The following IRAG1 variants were observed in gnomAD, a reference collection of about 807,000 sequenced individuals.
The protein encoded by IRAG1 is inositol 1,4,5-triphosphate receptor associated 1, also known as IP3R-associated cGMP kinase substrate.
IRAG1 carries 62 observed loss-of-function variants against 106.2 expected under a neutral mutation model. The ratio of observed to expected loss-of-function variants is 0.58; its 90% CI spans 0.48 to 0.72. IRAG1 has a LOEUF of 0.72. IRAG1 is among the 30% of genes least tolerant of loss of function. IRAG1 has a pLI of 0.00. For synonymous variants in IRAG1, 462 were observed against 443.9 expected, an observed-to-expected ratio of 1.04 and a Z score of -0.51; for missense variants, 1,064 against 1,140.7, an observed-to-expected ratio of 0.93 and a Z score of 0.97.
At chr11:10,612,584 T>C (rs925245804) in intron 10 of IRAG1, among the ~76,000 whole-genome samples, 37 of 150,362 alleles carry the variant, frequency 2.5e-4, no homozygotes, top group African/African-American at 7.1e-4. Flanking sequence ...GGTAGAAATA[T>C]ACAAATCAGA....
chr11:10,622,253 T>C (rs1160882391), intron 10 of IRAG1, among the ~76,000 whole-genome samples: 4 of 151,904 alleles, frequency 2.6e-5, no homozygotes, highest in Non-Finnish European at 4.4e-5. Context: ...ACAGGTACCA[T>C]ATGACTCAGA....
At chr11:10,623,739 A>G in intron 10 of IRAG1, 39 bp downstream of exon 10, 1 of 1,583,598 alleles carries the variant, frequency 6.3e-7, no homozygotes, top group Non-Finnish European at 8.7e-7. Flanking sequence ...CAGACAAATC[A>G]GCACTCGCTG....
At chr11:10,621,303 T>C (rs1855817725) in intron 10 of IRAG1, among the ~76,000 whole-genome samples, 1 of 152,206 alleles carries the variant, frequency 6.6e-6, no homozygotes, top group Non-Finnish European at 1.5e-5. Context: ...TTACTACAGT[T>C]CAGACCAGGG....
chr11:10,692,195 G>GCACA (rs111745329), intron 1 of IRAG1, among the ~76,000 whole-genome samples: 38,982 of 150,790 alleles, frequency 0.26, 5,213 homozygotes, highest in African/African-American at 0.32. Flanking sequence ...AAATATGCAT[G>GCACA]CACACACACA....
At chr11:10,687,789 C>T (rs1861769878) in intron 1 of IRAG1, 1 of 1,288,852 alleles carries the variant, frequency 7.8e-7, no homozygotes, top group Non-Finnish European at 1.0e-6. Flanking sequence ...TGGAGGGGAA[C>T]AGACAGGGGC....
intron 10 of IRAG1, among the ~76,000 whole-genome samples, chr11:10,610,787 C>T (rs774508945): frequency 2.6e-5 from 4 of 152,238 alleles, no homozygotes; most frequent in African/African-American, 4.8e-5. Context: ...GCTTACAGTA[C>T]ACTTAGCATT....
chr11:10,623,746 G>T (rs759574101), intron 10 of IRAG1, 32 bp downstream of exon 10: 1 of 1,602,934 alleles, frequency 6.2e-7, no homozygotes, highest in South Asian at 1.1e-5. Flanking sequence ...ATCAGCACTC[G>T]CTGAGACAGC....
intron 1 of IRAG1, chr11:10,687,865 T>G (rs192548895): frequency 0.025 from 29,062 of 1,184,092 alleles, 500 homozygotes; most frequent in South Asian, 0.031. Context: ...GGATTTAGCT[T>G]TGCTTTTTTT....
In IRAG1 at chr11:10,628,015, C is replaced by A. The variant is rs1856387817; in HGVS notation, c.663G>T (p.Val221=). The A allele has an allele frequency of 1.9e-6, 3 of 1,613,468 alleles. No individual in the cohort carries two copies. Among genetic ancestry groups the A allele is most frequent in the Non-Finnish European group, 2.5e-6 (3 of 1,179,552 alleles). The change falls in exon 7 of 21, where the codon GTG becomes GTT. Residue 221 remains valine (V), a synonymous_variant. Transcript: ENST00000423302. The surrounding 1 kb of genome is among the most constrained non-coding windows in gnomAD (Gnocchi z 4.1). ...GCAGAGGGGATGGCGGGCCACTGCA[C>A]ACATCCAAACCTGGAAGGGTCCAGA... ...LTVPTPPGLD[V]CSGPPSPLPG... is the part of the protein sequence containing the mutation.
At chr11:10,663,835 A>G in intron 1 of IRAG1, among the ~76,000 whole-genome samples, 1 of 152,166 alleles carries the variant, frequency 6.6e-6, no homozygotes, top group East Asian at 1.9e-4. Flanking sequence ...CTCTTGAACC[A>G]TCTCAGGTCT....
chr11:10,593,350 C>G, intron 17 of IRAG1, 142 bp downstream of exon 17: 2 of 621,186 alleles, frequency 3.2e-6, no homozygotes, highest in Non-Finnish European at 5.6e-6. Context: ...GTTTTTGAGC[C>G]TATCACTCAG....
intron 3 of IRAG1, 108 bp downstream of exon 3, chr11:10,633,860 A>C: frequency 1.6e-6 from 1 of 616,632 alleles, no homozygotes; most frequent in Non-Finnish European, 2.6e-6. Context: ...AGTTTAGTCA[A>C]TAAAATGATA....
At position 10,625,983 on chromosome 11, in the gene IRAG1, G is replaced by A; in HGVS notation, c.1351C>T (p.Leu451=). The A allele has an allele frequency of 1.3e-6, 2 of 1,487,818 alleles. No homozygotes were observed. The highest frequency in any genetic ancestry group is 2.3e-5 in the East Asian group (1 of 42,708). The allele number at this position is 1,487,818 out of a possible 1,614,324, so 92.2% of individuals were successfully genotyped here. Residue 451 remains leucine (L), a synonymous_variant, in exon 9 of 21, where the codon CTG becomes TTG. Coordinates refer to ENST00000423302, the MANE Select transcript of IRAG1 (RefSeq NM_130385.4). ...IQVQPVRMQK[L]TKLREEHILM... ...GAACCCACCTCTCGGAGCTTGGTCA[G>A]TTTCTGCATCCGCACGGGCTGCACT...
intron 10 of IRAG1, among the ~76,000 whole-genome samples, chr11:10,623,459 A>C (rs560805485): frequency 3.0e-4 from 46 of 152,266 alleles, no homozygotes; most frequent in African/African-American, 1.0e-3. Context: ...CCTTGAAAAG[A>C]GGAACTCTTC....
intron 2 of IRAG1, among the ~76,000 whole-genome samples, chr11:10,650,112 G>A (rs1858345611): frequency 6.6e-6 from 1 of 152,134 alleles, no homozygotes; most frequent in South Asian, 2.1e-4. Flanking sequence ...ACAACTCTGG[G>A]AACTTAAGTA....
chr11:10,640,376 T>C (rs1026028963), intron 2 of IRAG1, among the ~76,000 whole-genome samples: 1 of 152,264 alleles, frequency 6.6e-6, no homozygotes, highest in African/African-American at 2.4e-5. Flanking sequence ...CTCTAATCCC[T>C]TGATGGAACA....
intron 13 of IRAG1, among the ~76,000 whole-genome samples, chr11:10,603,667 T>A (rs1171218286): frequency 6.7e-6 from 1 of 149,402 alleles, no homozygotes; most frequent in Non-Finnish European, 1.5e-5. Context: ...CAAAGTCATC[T>A]GCTGACTTTT....
Position 10,594,175 on chromosome 11 carries a change from C to G in IRAG1, c.2038G>C (p.Ala680Pro), listed in dbSNP as rs1853001533. Residue 680 changes from alanine to proline, a missense_variant, in exon 16 of 21, where the codon GCA (alanine) becomes CCA (proline). By Grantham distance (27) the Ala-to-Pro change is conservative. Transcript: ENST00000423302. Reference sequence around the variant, plus strand: ...CCCAGCGTGAGGGACATGGACCGTGCCGTGCGAGGGACCCCATCTTCTGCA... The same window carrying G: ...CCCAGCGTGAGGGACATGGACCGTGGCGTGCGAGGGACCCCATCTTCTGCA... Reference protein sequence around the residue: ...GPSEDGVPRTARSMSLTLGKN... With the variant: ...GPSEDGVPRTPRSMSLTLGKN... The G allele has an allele frequency of 6.2e-7, 1 of 1,610,016 alleles. No homozygotes were observed. Among genetic ancestry groups the G allele is most frequent in the Non-Finnish European group, 8.5e-7 (1 of 1,178,406 alleles).
At chr11:10,661,091 G>A (rs1859358979) in intron 1 of IRAG1, among the ~76,000 whole-genome samples, 3 of 99,488 alleles carry the variant, frequency 3.0e-5, no homozygotes, top group African/African-American at 8.5e-5. Context: ...CTTTTACCAT[G>A]GGGGGGCCAG....
Sources: allele counts gnomAD v4.1 joint callset (sites outside exome capture counted in the v4.1 genomes callset), GRCh38; gene constraint gnomAD v4.1.1; non-coding constraint Gnocchi (gnomAD v3.1); transcripts MANE v1.5; gene names NCBI Gene and HGNC (gene_info 2026-07-23, HGNC 2026-07-21).